Variants in CDA observed in about 807,000 individuals in gnomAD.
CDA encodes the protein cytidine aminohydrolase.
CDA carries 7 observed loss-of-function variants against 15.0 expected under a neutral mutation model. That is an observed-to-expected ratio of 0.47 (90% confidence interval 0.26 to 0.87). The LOEUF is 0.87. Ranked by LOEUF, CDA falls within the 40% of genes least tolerant of loss-of-function variation. The pLI is 0.15. For synonymous variants in CDA, 58 were observed against 73.0 expected, an observed-to-expected ratio of 0.79 and a Z score of 1.05; for missense variants, 159 against 182.7, an observed-to-expected ratio of 0.87 and a Z score of 0.75.
chr1:20,600,753 CA>C (rs5772908), intron 1 of CDA, among the ~76,000 whole-genome samples: 44,064 of 120,722 alleles, frequency 0.37, 6,718 homozygotes, highest in Middle Eastern at 0.47. Context: ...GACTCTGTCT[CA>C]AAAAAAAAAA....
intron 2 of CDA, among the ~76,000 whole-genome samples, chr1:20,609,603 A>C (rs2052727857): frequency 1.3e-5 from 2 of 152,234 alleles, no homozygotes; most frequent in African/African-American, 2.4e-5. Flanking sequence ...CCATGGCCCT[A>C]ACCATGCCTT....
intron 1 of CDA, among the ~76,000 whole-genome samples, chr1:20,591,991 C>T (rs2052553720): frequency 1.3e-5 from 2 of 151,890 alleles, no homozygotes; most frequent in African/African-American, 4.8e-5. Flanking sequence ...TACAGGCACC[C>T]GCTACACACC....
chr1:20,595,455 T>C (rs1172406704), intron 1 of CDA, among the ~76,000 whole-genome samples: 1 of 152,162 alleles, frequency 6.6e-6, no homozygotes, highest in Non-Finnish European at 1.5e-5. Flanking sequence ...CTTCAGCAGC[T>C]GATGGACCCC....
intron 1 of CDA, among the ~76,000 whole-genome samples, chr1:20,598,228 C>T (rs372512762): frequency 5.9e-5 from 9 of 152,260 alleles, no homozygotes; most frequent in East Asian, 5.8e-4. Context: ...GGGCTCTGCC[C>T]GGTGAGTGGA....
intron 2 of CDA, among the ~76,000 whole-genome samples, chr1:20,610,977 T>A (rs2052744703): frequency 6.6e-6 from 1 of 152,218 alleles, no homozygotes; most frequent in Admixed American, 6.5e-5. Context: ...TGGTGGCTCA[T>A]GTCTGTAATC....
intron 1 of CDA, among the ~76,000 whole-genome samples, chr1:20,596,505 C>G (rs955088206): frequency 6.6e-6 from 1 of 152,074 alleles, no homozygotes; most frequent in Non-Finnish European, 1.5e-5. Context: ...TGCTTGAGTC[C>G]AGGAGTTCAA....
chr1:20,610,550 C>G (rs774858521), intron 2 of CDA, among the ~76,000 whole-genome samples: 1 of 151,928 alleles, frequency 6.6e-6, no homozygotes, highest in African/African-American at 2.4e-5. Flanking sequence ...CCACCCACCT[C>G]GGCCTCCCAA....
At chr1:20,592,820 C>T (rs192088346) in intron 1 of CDA, among the ~76,000 whole-genome samples, 14 of 152,304 alleles carry the variant, frequency 9.2e-5, no homozygotes, top group South Asian at 2.1e-4. Context: ...AGGCTGGGTG[C>T]GGTGGCTCAT....
chr1:20,613,249 G>C (rs889894525), intron 2 of CDA, among the ~76,000 whole-genome samples: 3 of 151,716 alleles, frequency 2.0e-5, no homozygotes, highest in African/African-American at 4.8e-5. Flanking sequence ...TGTTGCCCAG[G>C]CTGGGGTGCT....
At chr1:20,617,695 TTA>T (rs1175821192) in intron 3 of CDA, among the ~76,000 whole-genome samples, 10 of 115,584 alleles carry the variant, frequency 8.7e-5, no homozygotes, top group Admixed American at 1.8e-4. Context: ...TTATTTTATT[TTA>T]TTTTTTTTTT....
intron 1 of CDA, among the ~76,000 whole-genome samples, chr1:20,602,160 G>A (rs1570380149): frequency 6.7e-6 from 1 of 148,216 alleles, no homozygotes; most frequent in East Asian, 2.0e-4. Flanking sequence ...GGAGGGGAGG[G>A]GAGGGGAGGG....
intron 2 of CDA, among the ~76,000 whole-genome samples, chr1:20,609,359 A>G (rs2052724863): frequency 6.6e-6 from 1 of 152,098 alleles, no homozygotes; most frequent in African/African-American, 2.4e-5. Flanking sequence ...GGTGGCGGGC[A>G]CCTGTAGTCC....
chr1:20,603,583 ACACT>A (rs2052666844), intron 1 of CDA, among the ~76,000 whole-genome samples: 1 of 152,220 alleles, frequency 6.6e-6, no homozygotes, highest in African/African-American at 2.4e-5. Flanking sequence ...TCATGTGGCC[ACACT>A]GTGCTGCAAG....
At chr1:20,608,391 A>ATAGTT (rs2052713498) in intron 2 of CDA, among the ~76,000 whole-genome samples, 2 of 47,572 alleles carry the variant, frequency 4.2e-5, no homozygotes, top group South Asian at 5.0e-4. Flanking sequence ...AAACTATTAT[A>ATAGTT]TAGTTTTGTT....
At chr1:20,592,205 A>AGCTGGTAT (rs1283797664) in intron 1 of CDA, among the ~76,000 whole-genome samples, 1 of 152,170 alleles carries the variant, frequency 6.6e-6, no homozygotes, top group Non-Finnish European at 1.5e-5. Context: ...AACCAGATTC[A>AGCTGGTAT]GCTGGTATGC....
intron 1 of CDA, among the ~76,000 whole-genome samples, chr1:20,597,861 G>A (rs1223691307): frequency 1.3e-5 from 2 of 151,054 alleles, no homozygotes; most frequent in African/African-American, 4.9e-5. Context: ...TGCAGTACGT[G>A]GGCAAAGGCT....
At chr1:20,594,185 G>T (rs1230716526) in intron 1 of CDA, among the ~76,000 whole-genome samples, 1 of 152,210 alleles carries the variant, frequency 6.6e-6, no homozygotes, top group Non-Finnish European at 1.5e-5. Context: ...TCAAAAGCAG[G>T]CCTGGCTGCA....
intron 1 of CDA, among the ~76,000 whole-genome samples, chr1:20,591,140 C>T (rs1477462953): frequency 2.0e-5 from 3 of 152,098 alleles, no homozygotes; most frequent in South Asian, 4.1e-4. Flanking sequence ...GAGATCGAGA[C>T]CATCCTGGCT....
intron 2 of CDA, among the ~76,000 whole-genome samples, chr1:20,611,228 A>C (rs1353352593): frequency 6.6e-6 from 1 of 152,206 alleles, no homozygotes; most frequent in African/African-American, 2.4e-5. Context: ...CAACAGAACA[A>C]GACCCTGTCT....
Sources: allele counts gnomAD v4.1 joint callset (sites outside exome capture counted in the v4.1 genomes callset), GRCh38; gene constraint gnomAD v4.1.1; transcripts MANE v1.5; gene names NCBI Gene and HGNC (gene_info 2026-07-23, HGNC 2026-07-21).